CENPQ: variants seen among roughly 807,000 people sequenced by gnomAD.
CENPQ encodes the protein chromosome 6 open reading frame 139.
In CENPQ, 27 loss-of-function variants were observed where a neutral mutation model predicts 36.6. The ratio of observed to expected loss-of-function variants is 0.74; its 90% CI spans 0.54 to 1.02. CENPQ has a LOEUF of 1.02. Among genes scored for constraint, CENPQ ranks in the 50% least tolerant of loss-of-function variants. The pLI, the probability that CENPQ is intolerant of heterozygous loss-of-function variation, is 0.00. For missense variants in CENPQ, 306 were observed against 301.8 expected, an observed-to-expected ratio of 1.01 and a Z score of -0.10; for synonymous variants, 101 against 101.7, an observed-to-expected ratio of 0.99 and a Z score of 0.04.
intron 5 of CENPQ, among the ~76,000 whole-genome samples, chr6:49,473,068 G>GA (rs1768183824): frequency 6.6e-6 from 1 of 151,926 alleles, no homozygotes; most frequent in Non-Finnish European, 1.5e-5. Context: ...AAAAAACCCT[G>GA]AAAATCACGA....
chr6:49,474,315 G>A (rs1246441519), intron 5 of CENPQ, among the ~76,000 whole-genome samples: 1 of 152,062 alleles, frequency 6.6e-6, no homozygotes, highest in African/African-American at 2.4e-5. Flanking sequence ...ATAACAAACT[G>A]TCTCTCAGAC....
rs766983980 is a variant in CENPQ at position 49,472,100 on chromosome 6, A to G, written c.195A>G (p.Thr65=). ...ACACTAACCTAAAACACGGAAAGAC[A>G]GCAGCCAGCAAGAGAAAAACCTGGC... is the stretch of plus-strand genomic sequence containing the variant. ...TKHTNLKHGK[T]AASKRKTWQP... Residue 65 remains threonine (T), a synonymous_variant, in exon 4 of 9, where the codon ACA becomes ACG. Transcript: ENST00000335783. 5.6e-6 allele frequency: 9 copies of G among 1,612,936 alleles called. No homozygotes were observed. The highest frequency in any genetic ancestry group is 2.2e-5 in the South Asian group (2 of 90,882).
At chr6:49,489,382 A>G (rs1020004068) in intron 8 of CENPQ, among the ~76,000 whole-genome samples, 8 of 152,218 alleles carry the variant, frequency 5.3e-5, no homozygotes, top group South Asian at 2.1e-4. Flanking sequence ...CAATTCAGGT[A>G]CATCTTCAGG....
chr6:49,479,384 C>G (rs1312991741), intron 5 of CENPQ, among the ~76,000 whole-genome samples: 1 of 152,092 alleles, frequency 6.6e-6, no homozygotes, highest in Non-Finnish European at 1.5e-5. Context: ...AAAAAATGCT[C>G]TCAACATCAC....
intron 3 of CENPQ, 112 bp downstream of exon 3, chr6:49,471,140 C>A: frequency 1.8e-6 from 1 of 551,258 alleles, no homozygotes; most frequent in Non-Finnish European, 2.9e-6. Context: ...TAGTAATAAA[C>A]AACTACATTT....
chr6:49,469,373 T>C (rs932368218), intron 1 of CENPQ, among the ~76,000 whole-genome samples: 3 of 152,238 alleles, frequency 2.0e-5, no homozygotes, highest in African/African-American at 7.2e-5. Context: ...TATGTGCATA[T>C]ACATATTTCC....
At chr6:49,481,953 C>T (rs1254063146) in intron 6 of CENPQ, among the ~76,000 whole-genome samples, 1 of 152,204 alleles carries the variant, frequency 6.6e-6, no homozygotes, top group Non-Finnish European at 1.5e-5. Context: ...GGCTGCAGGT[C>T]CTGAGCCCTG....
At chr6:49,473,499 C>A (rs1768194706) in intron 5 of CENPQ, among the ~76,000 whole-genome samples, 1 of 152,102 alleles carries the variant, frequency 6.6e-6, no homozygotes, top group Non-Finnish European at 1.5e-5. Context: ...CAGGCCTGCC[C>A]TAAAAGAGCT....
intron 2 of CENPQ, 103 bp from the exon 3 acceptor site, chr6:49,470,871 A>G (rs1236855761): frequency 3.0e-5 from 17 of 561,974 alleles, no homozygotes; most frequent in Non-Finnish European, 4.7e-5. Context: ...ACTAGAAATT[A>G]TATGAATACT....
At chr6:49,480,159 A>C (rs1019382038) in intron 5 of CENPQ, among the ~76,000 whole-genome samples, 2 of 152,164 alleles carry the variant, frequency 1.3e-5, no homozygotes, top group Admixed American at 6.5e-5. Flanking sequence ...AGTGGGTTCC[A>C]CTATTGTTCA....
At chr6:49,480,911 CAAAAA>C (rs769655312) in intron 5 of CENPQ, 35 bp from the exon 6 acceptor site, 1 of 1,446,466 alleles carries the variant, frequency 6.9e-7, no homozygotes, top group Non-Finnish European at 9.4e-7. Context: ...TAATAGTACT[CAAAAA>C]TAAACAAAAT....
intron 6 of CENPQ, among the ~76,000 whole-genome samples, chr6:49,481,674 C>T (rs772181499): frequency 2.0e-4 from 30 of 152,298 alleles, no homozygotes; most frequent in Non-Finnish European, 3.5e-4. Context: ...TCTGTTTTGA[C>T]AGGGCGCTGA....
chr6:49,468,279 ATGGT>A (rs1768049005), intron 1 of CENPQ, among the ~76,000 whole-genome samples: 3 of 151,308 alleles, frequency 2.0e-5, no homozygotes, highest in Non-Finnish European at 4.4e-5. Flanking sequence ...CCTTCCTCCT[ATGGT>A]GGTGGCTGGG....
chr6:49,473,115 T>A (rs1240938687), intron 5 of CENPQ, among the ~76,000 whole-genome samples: 1 of 152,192 alleles, frequency 6.6e-6, no homozygotes, highest in East Asian at 1.9e-4. Context: ...CATATCAGAA[T>A]TTGAAAACAG....
At chr6:49,478,755 A>G (rs1768361076) in intron 5 of CENPQ, among the ~76,000 whole-genome samples, 1 of 152,166 alleles carries the variant, frequency 6.6e-6, no homozygotes, top group East Asian at 1.9e-4. Context: ...ACCTAGCCCC[A>G]TGATTACACA....
chr6:49,479,579 C>T (rs1768381611), intron 5 of CENPQ, among the ~76,000 whole-genome samples: 1 of 152,106 alleles, frequency 6.6e-6, no homozygotes, highest in South Asian at 2.1e-4. Context: ...TTGGCAGATT[C>T]TCAACTTAAA....
intron 5 of CENPQ, among the ~76,000 whole-genome samples, chr6:49,477,044 A>C (rs1039012698): frequency 6.6e-6 from 1 of 152,238 alleles, no homozygotes; most frequent in Non-Finnish European, 1.5e-5. Flanking sequence ...TAGAAATACC[A>C]TTTGATCTAG....
chr6:49,470,880 C>G, intron 2 of CENPQ, 94 bp from the exon 3 acceptor site: 1 of 627,100 alleles, frequency 1.6e-6, no homozygotes, highest in East Asian at 3.1e-5. Flanking sequence ...TATATGAATA[C>G]TCTTTGACAT....
chr6:49,477,932 A>G (rs566442699), intron 5 of CENPQ, among the ~76,000 whole-genome samples: 1 of 152,348 alleles, frequency 6.6e-6, no homozygotes, highest in Admixed American at 6.5e-5. Flanking sequence ...TGTTTAGTTT[A>G]TGAATGTGAC....
Sources: allele counts gnomAD v4.1 joint callset (sites outside exome capture counted in the v4.1 genomes callset), GRCh38; gene constraint gnomAD v4.1.1; transcripts MANE v1.5; gene names NCBI Gene and HGNC (gene_info 2026-07-23, HGNC 2026-07-21).